PRDM16: variants seen among roughly 807,000 people sequenced by gnomAD.
PRDM16 encodes histone-lysine N-methyltransferase PRDM16.
In PRDM16, 23 loss-of-function variants were observed where a neutral mutation model predicts 110.6. That is an observed-to-expected ratio of 0.21 (90% CI 0.15 to 0.29). The LOEUF (loss-of-function observed/expected upper bound fraction) is 0.29. Ranked by LOEUF, PRDM16 falls within the 10% of genes least tolerant of loss-of-function variation. The probability of loss-of-function intolerance (pLI) is 1.00; values close to 1 mark genes in which losing one functional copy is unlikely to be tolerated. For synonymous variants in PRDM16, 799 were observed against 781.8 expected (o/e 1.02, Z -0.37); for missense variants, 1,615 against 1,794.3 (o/e 0.90, Z 1.81).
chr1:3,305,315 A>C (rs1462679963), intron 3 of PRDM16, among the ~76,000 whole-genome samples: 1 of 152,190 alleles, frequency 6.6e-6, no homozygotes, highest in Non-Finnish European at 1.5e-5. Flanking sequence ...CGGCACATGC[A>C]GGGACCTGAT....
rs1369151492 is a variant in PRDM16 at position 3,157,034 on chromosome 1, G to C, written c.38-29091G>C. Among the ~76,000 whole-genome samples, 1 of 152,168 alleles carries C rather than the reference G, an allele frequency of 6.6e-6. No homozygotes were observed. Among genetic ancestry groups the C allele is most frequent in the Non-Finnish European group, 1.5e-5 (1 of 68,034 alleles). ...GAGTGTCTGGTTAGAGGCTGGGCTG[G>C]GGCTGAGCACGAGGGCCAAGAGGTG... On this transcript the variant is annotated intron_variant, in intron 1 of 16. Coordinates refer to ENST00000270722, the MANE Select transcript of PRDM16 (RefSeq NM_022114.4). This position sits in a 1 kb window ranked among gnomAD's most constrained non-coding sequence, Gnocchi z 4.8.
intron 3 of PRDM16, among the ~76,000 whole-genome samples, chr1:3,357,802 G>A (rs544876738): frequency 2.7e-4 from 41 of 152,364 alleles, no homozygotes; most frequent in Admixed American, 1.2e-3. Context: ...CTCTGGGGGT[G>A]CTGCTGGCAT....
At chr1:3,376,639 G>A (rs1294975982) in intron 3 of PRDM16, among the ~76,000 whole-genome samples, 3 of 152,208 alleles carry the variant, frequency 2.0e-5, no homozygotes, top group Admixed American at 2.0e-4. Flanking sequence ...GAGTTTAGGA[G>A]AGAGGCTGGC....
intron 2 of PRDM16, among the ~76,000 whole-genome samples, chr1:3,200,569 T>C (rs1201340348): frequency 4.6e-5 from 7 of 152,254 alleles, no homozygotes; most frequent in South Asian, 4.1e-4. Flanking sequence ...GTCTCGATCT[T>C]CTGACCCTGT....
At chr1:3,138,018 C>T (rs1366862007) in intron 1 of PRDM16, among the ~76,000 whole-genome samples, 1 of 152,202 alleles carries the variant, frequency 6.6e-6, no homozygotes, top group African/African-American at 2.4e-5. Context: ...GCAGAGCTGG[C>T]CAGGCAGGGG....
chr1:3,181,304 A>G (rs1644171164), intron 1 of PRDM16, among the ~76,000 whole-genome samples: 1 of 136,254 alleles, frequency 7.3e-6, no homozygotes, highest in Admixed American at 7.4e-5. Context: ...GCAGTCTTAC[A>G]CACGGTCTTA....
chr1:3,236,588 G>A (rs1233639419), intron 2 of PRDM16, among the ~76,000 whole-genome samples: 1 of 152,164 alleles, frequency 6.6e-6, no homozygotes, highest in Non-Finnish European at 1.5e-5. Flanking sequence ...CCCGGGCTGG[G>A]GGCCAGGGCT....
chr1:3,175,403 G>C lies in PRDM16; in HGVS notation c.38-10722G>C, dbSNP rs1354077329. On this transcript the variant is annotated intron_variant, in intron 1 of 16. Coordinates refer to ENST00000270722, the MANE Select transcript of PRDM16 (RefSeq NM_022114.4). This position sits in a 1 kb window ranked among gnomAD's most constrained non-coding sequence, Gnocchi z 4.8. ...GCCTCCGTGCGTGCCTGCTCTCCCC[G>C]ATCAGCTCTCCCACAACCACAGCCT... Among the ~76,000 whole-genome samples the C allele has an allele frequency of 6.6e-6, 1 of 152,056 alleles. No homozygotes were observed. Among genetic ancestry groups the C allele is most frequent in the Non-Finnish European group, 1.5e-5 (1 of 68,014 alleles).
chr1:3,098,249 T>TC (rs1156677856), intron 1 of PRDM16, among the ~76,000 whole-genome samples: 1 of 152,084 alleles, frequency 6.6e-6, no homozygotes, highest in Non-Finnish European at 1.5e-5. Flanking sequence ...GGAAAATCCT[T>TC]CTCCCGGGCT....
chr1:3,348,753 C>T (rs544313613), intron 3 of PRDM16, among the ~76,000 whole-genome samples: 31 of 152,326 alleles, frequency 2.0e-4, no homozygotes, highest in East Asian at 5.8e-4. Flanking sequence ...CCTTGGGGAC[C>T]GGGGCCGCAG....
intron 1 of PRDM16, among the ~76,000 whole-genome samples, chr1:3,099,113 G>C (rs1037105318): frequency 6.6e-6 from 1 of 152,236 alleles, no homozygotes; most frequent in African/African-American, 2.4e-5. Flanking sequence ...AATCCAGGTC[G>C]CCTGCAATGA....
At chr1:3,155,046 C>G (rs1323056349) in intron 1 of PRDM16, among the ~76,000 whole-genome samples, 3 of 152,212 alleles carry the variant, frequency 2.0e-5, no homozygotes, top group Admixed American at 1.3e-4. Flanking sequence ...TCACATCAAA[C>G]TCCAGGGGGT....
At chr1:3,269,368 AG>A (rs1210313175) in intron 3 of PRDM16, among the ~76,000 whole-genome samples, 1 of 149,870 alleles carries the variant, frequency 6.7e-6, no homozygotes, top group African/African-American at 2.5e-5. Context: ...AGTCAGGAGG[AG>A]GACAGTCCCA....
intron 2 of PRDM16, among the ~76,000 whole-genome samples, chr1:3,217,969 G>A (rs1027332164): frequency 2.0e-5 from 3 of 152,226 alleles, no homozygotes; most frequent in Non-Finnish European, 4.4e-5. Context: ...CGATGTTGGG[G>A]TCTGGGAAGG....
At chr1:3,169,248 C>T (rs1643996676) in intron 1 of PRDM16, among the ~76,000 whole-genome samples, 1 of 152,150 alleles carries the variant, frequency 6.6e-6, no homozygotes, top group African/African-American at 2.4e-5. Flanking sequence ...CGGGAAGAAA[C>T]AAACCTCATA....
In PRDM16 at chr1:3,251,368, G is replaced by A. The variant is rs12043137; in HGVS notation, c.438+7231G>A. On this transcript the variant is annotated intron_variant, in intron 3 of 16. Transcript: ENST00000270722. ...GCTCTGGGTACCGAGGGTGAGGTGGGGTGAGAGCGGAGCAGTCAGGCACAG... is the reference window on the plus strand; with the variant it reads ...GCTCTGGGTACCGAGGGTGAGGTGGAGTGAGAGCGGAGCAGTCAGGCACAG... Among the ~76,000 whole-genome samples, 115 of 152,328 alleles carry A rather than the reference G, an allele frequency of 7.5e-4. 5 individuals are homozygous for A. The East Asian group carries it at 0.02, about 27-fold the overall frequency.
chr1:3,408,889 T>A (rs974736241), intron 8 of PRDM16, among the ~76,000 whole-genome samples: 7 of 145,578 alleles, frequency 4.8e-5, no homozygotes, highest in South Asian at 2.2e-4. Flanking sequence ...CGTGTGTGTG[T>A]GAGAGCGCAT....
rs533590625 is a variant in PRDM16 at position 3,412,432 on chromosome 1, C to T, written c.2235C>T (p.Leu745=). The T allele has an allele frequency of 1.2e-5, 20 of 1,612,368 alleles. No individual in the cohort carries two copies. Among genetic ancestry groups the T allele is most frequent in the South Asian group, 2.2e-5 (2 of 91,068 alleles). The part of the protein sequence containing the change: ...HSLYPFTDRA[L]AHNLLVKAEP... ...TTTACCCCTTCACGGACCGAGCCCTCGCCCACAACTTGCTGGTCAAGGCCG... is the reference window on the plus strand; with the variant it reads ...TTTACCCCTTCACGGACCGAGCCCTTGCCCACAACTTGCTGGTCAAGGCCG... The change falls in exon 9 of 17, where the codon CTC becomes CTT. Residue 745 remains leucine (L), a synonymous_variant. Transcript: ENST00000270722.
intron 14 of PRDM16, among the ~76,000 whole-genome samples, chr1:3,427,049 G>A (rs564688979): frequency 8.5e-5 from 13 of 152,380 alleles, no homozygotes; most frequent in African/African-American, 3.1e-4. Context: ...ATACACATGC[G>A]TGACGGACAG....
Sources: gnomAD v4.1 joint callset for allele counts (sites outside exome capture counted in the v4.1 genomes callset) on GRCh38, gnomAD v4.1.1 for gene constraint, Gnocchi (gnomAD v3.1) non-coding constraint, MANE v1.5 for transcripts, NCBI Gene and HGNC (gene_info 2026-07-23, HGNC 2026-07-21) for gene names.